The following TRDN variants were observed in gnomAD, a reference collection of about 807,000 sequenced individuals.
TRDN encodes triadin.
A neutral mutation model predicts 149.7 loss-of-function variants in TRDN; 161 were observed. The observed-to-expected ratio is 1.08, with a 90% CI of 0.95 to 1.23. TRDN has a LOEUF of 1.23. Among genes scored for constraint, TRDN ranks in the 50% most tolerant of loss-of-function variants. The pLI, the probability that TRDN is intolerant of heterozygous loss-of-function variation, is 0.00. For missense variants in TRDN, 896 were observed against 823.5 expected (o/e 1.09, Z -1.08); for synonymous variants, 294 against 250.5 (o/e 1.17, Z -1.64).
intron 38 of TRDN, among the ~76,000 whole-genome samples, chr6:123,229,788 G>T (rs548964865): frequency 3.0e-4 from 45 of 152,008 alleles, no homozygotes; most frequent in African/African-American, 1.1e-3. Flanking sequence ...ATGAGAAAAT[G>T]TAAAGTCCAG....
chr6:123,262,429 G>A (rs986193858), intron 33 of TRDN, among the ~76,000 whole-genome samples: 2 of 151,916 alleles, frequency 1.3e-5, no homozygotes, highest in Non-Finnish European at 2.9e-5. Flanking sequence ...ACAGGTATTA[G>A]TTATCATGGT....
Position 123,442,562 on chromosome 6 carries a change from GA to G in TRDN, c.932-3560del, listed in dbSNP as rs58272597. Among the ~76,000 whole-genome samples the G allele has an allele frequency of 4.1e-3, 492 of 120,458 alleles. 74 individuals carry two copies. Among genetic ancestry groups the G allele is most frequent in the African/African-American group, 0.014 (403 of 29,726 alleles). The allele number at this position is 120,458 out of a possible 152,430, so 79.0% of individuals were successfully genotyped here. A position where few individuals can be genotyped will look rare whatever the true frequency, so the allele number is the denominator to read the frequency against. ...CTCCGTCTCAAAAAAAAAAAAAAAAGAAAAAAAAAAAAAGTCTACCTTGCTT... is the reference window on the plus strand; with the variant it reads ...CTCCGTCTCAAAAAAAAAAAAAAAAGAAAAAAAAAAAAGTCTACCTTGCTT... On this transcript the variant is annotated intron_variant, in intron 10 of 40. Coordinates refer to ENST00000334268, the MANE Select transcript of TRDN (RefSeq NM_006073.4).
At chr6:123,504,891 T>C (rs1316449841) in intron 7 of TRDN, among the ~76,000 whole-genome samples, 3 of 152,150 alleles carry the variant, frequency 2.0e-5, no homozygotes, top group African/African-American at 7.2e-5. Flanking sequence ...TACTGCAATG[T>C]TGGAATCCTC....
intron 5 of TRDN, among the ~76,000 whole-genome samples, chr6:123,522,216 C>A (rs1004780639): frequency 6.6e-6 from 1 of 152,066 alleles, no homozygotes; most frequent in Non-Finnish European, 1.5e-5. Flanking sequence ...ACTGTTCTGC[C>A]GCCTACCGGG....
intron 1 of TRDN, among the ~76,000 whole-genome samples, chr6:123,614,591 A>G (rs1784993254): frequency 6.6e-6 from 1 of 151,596 alleles, no homozygotes; most frequent in East Asian, 1.9e-4. Flanking sequence ...TAAAATTTTA[A>G]TCTAAATTTA....
chr6:123,272,942 A>C, intron 29 of TRDN, 22 bp downstream of exon 29: 8 of 1,501,726 alleles, frequency 5.3e-6, no homozygotes, highest in Non-Finnish European at 7.2e-6. Flanking sequence ...ATTTGAGACT[A>C]CAAATACCAC....
chr6:123,432,272 T>C (rs1468222437), intron 12 of TRDN, among the ~76,000 whole-genome samples: 1 of 152,316 alleles, frequency 6.6e-6, no homozygotes, highest in African/African-American at 2.4e-5. Flanking sequence ...TCTCAGAATG[T>C]ATTTATTATT....
At chr6:123,219,006 A>ATT (rs1212208215) in intron 40 of TRDN, among the ~76,000 whole-genome samples, 2 of 151,930 alleles carry the variant, frequency 1.3e-5, no homozygotes, top group Non-Finnish European at 2.9e-5. Context: ...ATAAGCCTTT[A>ATT]ATAAGTGATA....
In TRDN at chr6:123,416,698, C is replaced by CTTTTT. The variant is rs139842688; in HGVS notation, c.1051+21360_1051+21364dup. On this transcript the variant is annotated intron_variant, in intron 12 of 40. Transcript: ENST00000334268. ...TCCTTGTCACCATTATTCTTTTCCTCTTTTTTTCTTTTTTTTTAGTTGACA... is the reference window on the plus strand; with the variant it reads ...TCCTTGTCACCATTATTCTTTTCCTCTTTTTTTTTTTTCTTTTTTTTTAGTTGACA... Among the ~76,000 whole-genome samples the CTTTTT allele has an allele frequency of 7.5e-5, 11 of 146,330 alleles. 1 individual carries two copies. The highest frequency in any genetic ancestry group is 1.2e-4 in the Non-Finnish European group (8 of 66,154).
chr6:123,306,742 A>C (rs111614734), intron 24 of TRDN, among the ~76,000 whole-genome samples: 75 of 152,252 alleles, frequency 4.9e-4, no homozygotes, highest in African/African-American at 1.5e-3. Context: ...TTTGTTCTTT[A>C]GACATAATCA....
intron 12 of TRDN, 137 bp downstream of exon 12, chr6:123,437,926 G>A (rs981891670): frequency 2.9e-6 from 2 of 691,062 alleles, no homozygotes; most frequent in African/African-American, 3.7e-5. Flanking sequence ...TTTGTCTAGT[G>A]CAAGTTTTGC....
Position 123,502,440 on chromosome 6 carries a change from A to G in TRDN, c.793+1279T>C, listed in dbSNP as rs147926651. 838 of 623,358 alleles carry G rather than the reference A, an allele frequency of 1.3e-3. 39 individuals are homozygous for G. In the East Asian group the frequency reaches 0.096, roughly 72 times the overall value. The allele number at this position is 623,358 out of a possible 1,614,324, so 38.6% of individuals were successfully genotyped here. On this transcript the variant is annotated intron_variant, in intron 8 of 40. Transcript: ENST00000334268. ...TTAAAATAATAAATTAAAATTATCT[A>G]AATTTAAAGGTTTGTAGATCACTAA...
At chr6:123,393,599 C>A in intron 13 of TRDN, 25 bp downstream of exon 13, 1 of 1,578,484 alleles carries the variant, frequency 6.3e-7, no homozygotes, top group Non-Finnish European at 8.6e-7. Context: ...AAAGGCAATG[C>A]TTTTTAAAGT....
In TRDN at chr6:123,376,198, C is replaced by A. The variant is rs187919961; in HGVS notation, c.1247-567G>T. On this transcript the variant is annotated intron_variant, in intron 18 of 40. Coordinates refer to ENST00000334268, the MANE Select transcript of TRDN (RefSeq NM_006073.4). ...CTACACCAATAGTCATTCTGTATGT[C>A]TCTCTGTCTTTCTATAATGCACACA... Among the ~76,000 whole-genome samples the A allele has an allele frequency of 4.2e-3, 642 of 152,204 alleles. 3 individuals are homozygous for A. Among genetic ancestry groups the A allele is most frequent in the Non-Finnish European group, 6.5e-3 (440 of 67,966 alleles).
intron 9 of TRDN, among the ~76,000 whole-genome samples, chr6:123,472,453 T>C (rs1226668867): frequency 6.6e-6 from 1 of 152,192 alleles, no homozygotes; most frequent in African/African-American, 2.4e-5. Flanking sequence ...TCTCGCTGAT[T>C]GCTAGCACAG....
chr6:123,572,118 T>C (rs760158284), intron 1 of TRDN, among the ~76,000 whole-genome samples: 3 of 152,118 alleles, frequency 2.0e-5, no homozygotes, highest in Non-Finnish European at 4.4e-5. Context: ...ATACTATCAG[T>C]GATGTTTAAA....
chr6:123,612,609 T>G (rs1027211868), intron 1 of TRDN, among the ~76,000 whole-genome samples: 1 of 152,074 alleles, frequency 6.6e-6, no homozygotes, highest in Non-Finnish European at 1.5e-5. Context: ...CTGATCATCA[T>G]GTATCACAGC....
Position 123,255,113 on chromosome 6 carries a change from TTTC to T in TRDN, c.1916_1918del (p.Arg639del). 7.3e-7 allele frequency: 1 copy of T among 1,362,740 alleles called. No individual in the cohort carries two copies. The allele number at this position is 1,362,740 out of a possible 1,614,324, so 84.4% of individuals were successfully genotyped here. On this transcript the variant is annotated inframe_deletion, in exon 37 of 41. Transcript: ENST00000334268. Reference sequence around the variant, plus strand: ...CACATTGTGTAATTGAAGACTTTCTTTTCTTGTTGAGACTGTTAATAAGGAAAA... The same window carrying T: ...CACATTGTGTAATTGAAGACTTTCTTTTGTTGAGACTGTTAATAAGGAAAA...
At chr6:123,265,469 A>G (rs1776910640) in intron 32 of TRDN, 131 bp from the exon 33 acceptor site, 3 of 536,352 alleles carry the variant, frequency 5.6e-6, no homozygotes, top group Admixed American at 4.2e-5. Context: ...TCAACAATGA[A>G]CAGTAGGAAA....
Sources: gnomAD v4.1 joint callset for allele counts (sites outside exome capture counted in the v4.1 genomes callset) on GRCh38, gnomAD v4.1.1 for gene constraint, MANE v1.5 for transcripts, NCBI Gene and HGNC (gene_info 2026-07-23, HGNC 2026-07-21) for gene names.